The following KDM4C variants were observed in gnomAD, a reference collection of about 807,000 sequenced individuals.
The protein encoded by KDM4C is lysine-specific demethylase 4C.
In KDM4C, 81 loss-of-function variants were observed where a neutral mutation model predicts 129.3. The ratio of observed to expected loss-of-function variants is 0.63; its 90% CI spans 0.52 to 0.75. The LOEUF (loss-of-function observed/expected upper bound fraction) is 0.75, where lower values mean the gene tolerates loss of function less well. Among genes scored for constraint, KDM4C ranks in the 30% least tolerant of loss-of-function variants. KDM4C has a pLI of 0.00. For missense variants in KDM4C, 1,457 were observed against 1,304.0 expected (o/e 1.12, Z -1.81); for synonymous variants, 573 against 456.1 (o/e 1.26, Z -3.26).
chr9:6,834,503 G>A (rs1200999769), intron 4 of KDM4C: 5 of 644,510 alleles, frequency 7.8e-6, no homozygotes, highest in South Asian at 3.1e-5. Flanking sequence ...GCTCCGGCAT[G>A]TGGAAGGCTG....
intron 17 of KDM4C, among the ~76,000 whole-genome samples, chr9:7,061,784 T>C (rs557054198): frequency 3.8e-4 from 58 of 152,348 alleles, no homozygotes; most frequent in African/African-American, 1.3e-3. Flanking sequence ...CTTCAGGTTT[T>C]TTTCTTATTT....
rs560900462 is a variant in KDM4C, at chr9:6,758,546, C to G, written c.-18+343C>G. 9.4e-3 allele frequency among the ~76,000 whole-genome samples: 60 copies of G among 6,400 alleles called. 1 individual carries two copies. The South Asian group carries it at 0.21, about 23-fold the overall frequency. 4.2% of individuals were successfully genotyped at this position (6,400 alleles called of 152,430 possible). A position where few individuals can be genotyped will look rare whatever the true frequency, so the allele number is the denominator to read the frequency against. On this transcript the variant is annotated intron_variant, in intron 1 of 21. Coordinates refer to ENST00000381309, the MANE Select transcript of KDM4C (RefSeq NM_015061.6). This position sits in a 1 kb window ranked among gnomAD's most constrained non-coding sequence, Gnocchi z 4.6. ...TCCTGGGATGCGGACCTCTTAACGC[C>G]GCCAGTCGGCTGTGGCGGACTCCAG... is the stretch of plus-strand genomic sequence containing the variant.
intron 11 of KDM4C, among the ~76,000 whole-genome samples, chr9:6,988,150 C>T (rs1818056376): frequency 8.8e-6 from 1 of 113,454 alleles, no homozygotes; most frequent in Admixed American, 1.1e-4. Flanking sequence ...GTGAGAGACC[C>T]TGTCTCTTAA....
At chr9:6,833,886 T>C (rs1588583093) in intron 4 of KDM4C, among the ~76,000 whole-genome samples, 2 of 152,304 alleles carry the variant, frequency 1.3e-5, no homozygotes, top group Admixed American at 1.3e-4. Flanking sequence ...TTTTGACATC[T>C]GTCAGAGCCG....
rs145249039 is a variant in KDM4C at position 7,135,960 on chromosome 9, C to T, written c.2781+7724C>T. On this transcript the variant is annotated intron_variant, in intron 19 of 21. Coordinates refer to ENST00000381309, the MANE Select transcript of KDM4C (RefSeq NM_015061.6). ...ATGCAGTTATACTCCCTCACCACCA[C>T]CAGGAGCTCATCTGAAATATTTTAC... Among the ~76,000 whole-genome samples, 547 of 152,282 alleles carry T rather than the reference C, an allele frequency of 3.6e-3. 2 individuals are homozygous for T. The highest frequency in any genetic ancestry group is 6.8e-3 in the Middle Eastern group (2 of 294).
At chr9:7,010,820 G>A (rs181332228) in intron 12 of KDM4C, among the ~76,000 whole-genome samples, 4 of 152,246 alleles carry the variant, frequency 2.6e-5, no homozygotes, top group African/African-American at 9.6e-5. Context: ...GAGGTGGGTG[G>A]ATCACCTGAG....
At chr9:6,734,574 G>T in intron 1 of KDM4C, 1 of 214,148 alleles carries the variant, frequency 4.7e-6, no homozygotes, top group Non-Finnish European at 9.2e-6. Flanking sequence ...GATTACAGGA[G>T]TGTGTCACCA....
At chr9:7,166,917 T>G (rs1844448838) in intron 20 of KDM4C, among the ~76,000 whole-genome samples, 1 of 152,214 alleles carries the variant, frequency 6.6e-6, no homozygotes, top group South Asian at 2.1e-4. Flanking sequence ...AAATTCCTCA[T>G]TAAGCCAAGT....
In KDM4C at chr9:6,986,577, A is replaced by G. The variant is rs1198568392; in HGVS notation, c.1588A>G (p.Ser530Gly). ...SNGVLTEGEE[S>G]DVESHGNGLE... ...TGGTGTGTTAACAGAGGGAGAAGAG[A>G]GTGATGTGGAGAGCCATGGGAATGG... Residue 530 changes from serine (S) to glycine (G), a missense_variant, in exon 11 of 22, where the codon AGT becomes GGT. By Grantham distance (56) the Ser-to-Gly change is moderately conservative. Coordinates refer to ENST00000381309, the MANE Select transcript of KDM4C (RefSeq NM_015061.6). The G allele has an allele frequency of 1.2e-6, 2 of 1,613,998 alleles. No individual in the cohort carries two copies. Among genetic ancestry groups the G allele is most frequent in the Admixed American group, 1.7e-5 (1 of 59,998 alleles).
intron 1 of KDM4C, among the ~76,000 whole-genome samples, chr9:6,781,820 A>ATT (rs771374868): frequency 9.8e-5 from 14 of 142,458 alleles, no homozygotes; most frequent in East Asian, 2.0e-4. Flanking sequence ...GTTATAAATA[A>ATT]TTTTTTTTTT....
chr9:6,850,736 T>G (rs1449914254), intron 5 of KDM4C, among the ~76,000 whole-genome samples: 1 of 150,500 alleles, frequency 6.6e-6, no homozygotes, highest in African/African-American at 2.4e-5. Context: ...CCAGCCAATG[T>G]ATTTTTTATT....
intron 5 of KDM4C, among the ~76,000 whole-genome samples, chr9:6,877,019 G>A (rs1397655941): frequency 6.6e-6 from 1 of 152,168 alleles, no homozygotes; most frequent in Non-Finnish European, 1.5e-5. Flanking sequence ...TCATTATAAT[G>A]TACTACCCTG....
At chr9:6,841,058 G>A (rs1026588567) in intron 4 of KDM4C, among the ~76,000 whole-genome samples, 4 of 152,138 alleles carry the variant, frequency 2.6e-5, no homozygotes, top group Admixed American at 6.5e-5. Flanking sequence ...GTTAAGTTAC[G>A]GGGTAGACCT....
chr9:7,075,367 T>G (rs1231684976), intron 17 of KDM4C, among the ~76,000 whole-genome samples: 3 of 152,156 alleles, frequency 2.0e-5, no homozygotes, highest in Non-Finnish European at 2.9e-5. Context: ...TCGATCCCAG[T>G]GTGGCAGTGT....
At chr9:6,985,421 G>A (rs546451225) in intron 10 of KDM4C, among the ~76,000 whole-genome samples, 1 of 152,336 alleles carries the variant, frequency 6.6e-6, no homozygotes, top group East Asian at 1.9e-4. Flanking sequence ...TTTTAGTGGA[G>A]AGCTAGGCAA....
At chr9:6,815,859 C>A (rs1831989393) in intron 4 of KDM4C, among the ~76,000 whole-genome samples, 1 of 152,172 alleles carries the variant, frequency 6.6e-6, no homozygotes, top group Admixed American at 6.5e-5. Context: ...GCCACATTTG[C>A]TTAATGTTTC....
At chr9:6,953,141 A>C (rs1049121245) in intron 8 of KDM4C, among the ~76,000 whole-genome samples, 2 of 152,224 alleles carry the variant, frequency 1.3e-5, no homozygotes, top group Admixed American at 1.3e-4. Context: ...AGTAGGCAGT[A>C]GATCTTTTTT....
At chr9:7,151,463 G>A (rs1264566316) in intron 19 of KDM4C, among the ~76,000 whole-genome samples, 4 of 152,052 alleles carry the variant, frequency 2.6e-5, no homozygotes, top group Non-Finnish European at 5.9e-5. Flanking sequence ...AGGCGGAAGT[G>A]GTTGTGCCCA....
intron 1 of KDM4C, among the ~76,000 whole-genome samples, chr9:6,760,697 A>G (rs1275855183): frequency 6.6e-6 from 1 of 151,806 alleles, no homozygotes; most frequent in Non-Finnish European, 1.5e-5. Context: ...CAGCCTCCTG[A>G]ATAGCTGGGA....
Sources: allele counts gnomAD v4.1 joint callset (sites outside exome capture counted in the v4.1 genomes callset), GRCh38; gene constraint gnomAD v4.1.1; non-coding constraint Gnocchi (gnomAD v3.1); transcripts MANE v1.5; gene names NCBI Gene and HGNC (gene_info 2026-07-23, HGNC 2026-07-21).